Variants in LRRC8C observed in about 807,000 individuals in gnomAD.
LRRC8C encodes volume-regulated anion channel subunit LRRC8C.
LRRC8C carries 20 observed loss-of-function variants against 55.3 expected under a neutral mutation model. The observed-to-expected ratio is 0.36, with a 90% CI of 0.25 to 0.53. The LOEUF (loss-of-function observed/expected upper bound fraction) is 0.53, where lower values mean the gene tolerates loss of function less well. Among genes scored for constraint, LRRC8C ranks in the 20% least tolerant of loss-of-function variants. LRRC8C has a pLI of 0.92. For synonymous variants in LRRC8C, 376 were observed against 360.7 expected (o/e 1.04, Z -0.48); for missense variants, 659 against 951.4 (o/e 0.69, Z 4.04).
the LRRC8C span, among the ~76,000 whole-genome samples, chr1:89,622,017 T>C: frequency 6.6e-6 from 1 of 152,192 alleles, no homozygotes; most frequent in Admixed American, 6.5e-5. Context: ...AAACATCGTA[T>C]ATGTGAAGAT....
At chr1:89,706,417 C>CTGGCAACTGCCTAAT in intron 2 of LRRC8C, 1 of 444,224 alleles carries the variant, frequency 2.3e-6, no homozygotes, top group South Asian at 1.6e-5. Flanking sequence ...TCTGCTTTTT[C>CTGGCAACTGCCTAAT]ACTTCCATAC....
chr1:89,685,803 A>G (rs1319044142), intron 1 of LRRC8C, among the ~76,000 whole-genome samples: 1 of 141,776 alleles, frequency 7.1e-6, no homozygotes, highest in Non-Finnish European at 1.6e-5. Flanking sequence ...TTCACAGTGA[A>G]ATGTGAGAAG....
At chr1:89,642,846 CAA>C (rs34394797) in intron 1 of LRRC8C, among the ~76,000 whole-genome samples, 76,459 of 140,586 alleles carry the variant, frequency 0.54, 20,584 homozygotes, top group East Asian at 0.79. Flanking sequence ...GACTCCATCT[CAA>C]AAAAAAAAAA....
chr1:89,640,991 A>G (rs1206666602), intron 1 of LRRC8C, among the ~76,000 whole-genome samples: 2 of 152,234 alleles, frequency 1.3e-5, no homozygotes, highest in African/African-American at 2.4e-5. Flanking sequence ...AGCAAATGAC[A>G]TAAATATACT....
chr1:89,702,140 G>T (rs1658349300), intron 2 of LRRC8C, among the ~76,000 whole-genome samples: 1 of 151,996 alleles, frequency 6.6e-6, no homozygotes, highest in Admixed American at 6.5e-5. Flanking sequence ...ACTCTGTGAG[G>T]CCTGACATCA....
At chr1:89,705,752 C>G (rs1037975231) in intron 2 of LRRC8C, among the ~76,000 whole-genome samples, 3 of 151,976 alleles carry the variant, frequency 2.0e-5, no homozygotes, top group South Asian at 2.1e-4. Flanking sequence ...TGCACCCCAG[C>G]CTGGCAACAG....
intron 1 of LRRC8C, among the ~76,000 whole-genome samples, chr1:89,649,335 A>G (rs1437827296): frequency 1.3e-5 from 2 of 152,276 alleles, no homozygotes; most frequent in African/African-American, 4.8e-5. Flanking sequence ...AGCACTAGTA[A>G]AGCTCTTTAC....
chr1:89,636,125 G>T (rs1395430629), intron 1 of LRRC8C, among the ~76,000 whole-genome samples: 3 of 152,158 alleles, frequency 2.0e-5, no homozygotes, highest in Non-Finnish European at 2.9e-5. Context: ...TTGAACCCTG[G>T]TTTCCTCTTG....
At chr1:89,706,691 A>G (rs548486057) in intron 2 of LRRC8C, among the ~76,000 whole-genome samples, 10 of 152,212 alleles carry the variant, frequency 6.6e-5, no homozygotes, top group Non-Finnish European at 1.2e-4. Context: ...TTCTCTTCCT[A>G]GATTCGAACA....
chr1:89,693,646 CTTTTTTTTTTTTTTTTTTTTT>C (rs35427989), intron 2 of LRRC8C, among the ~76,000 whole-genome samples: 1 of 82,692 alleles, frequency 1.2e-5, no homozygotes, highest in Admixed American at 1.3e-4. Context: ...TCTTTTCTTC[CTTTTTTTTTTTTTTTTTTTTT>C]TTTTTTTTGA....
intron 1 of LRRC8C, among the ~76,000 whole-genome samples, chr1:89,648,532 G>C (rs973328277): frequency 6.6e-6 from 1 of 151,878 alleles, no homozygotes; most frequent in African/African-American, 2.4e-5. Flanking sequence ...GAACAGACAG[G>C]GTGAACCAAA....
chr1:89,711,224 A>G (rs185371746), intron 2 of LRRC8C, among the ~76,000 whole-genome samples: 29 of 152,322 alleles, frequency 1.9e-4, no homozygotes, highest in African/African-American at 7.0e-4. Context: ...TCTTCCATGT[A>G]CCAGACACTT....
intron 1 of LRRC8C, among the ~76,000 whole-genome samples, chr1:89,641,029 T>G (rs940578557): frequency 6.6e-6 from 1 of 152,226 alleles, no homozygotes; most frequent in Non-Finnish European, 1.5e-5. Flanking sequence ...GTTAAATTTG[T>G]TTCTGTAGTT....
chr1:89,637,708 C>G (rs1656329090), intron 1 of LRRC8C, among the ~76,000 whole-genome samples: 1 of 152,018 alleles, frequency 6.6e-6, no homozygotes, highest in African/African-American at 2.4e-5. Context: ...AGTGTAATCT[C>G]AGAACTTTGT....
At position 89,713,059 on chromosome 1, in the gene LRRC8C, G is replaced by A. The variant is rs372759875; in HGVS notation, c.489G>A (p.Gly163=). The change falls in exon 3 of 3, where the codon GGG becomes GGA. Residue 163 remains glycine (G), a synonymous_variant. Coordinates refer to ENST00000370454, the MANE Select transcript of LRRC8C (RefSeq NM_032270.5). This position sits in a 1 kb window ranked among gnomAD's most constrained non-coding sequence, Gnocchi z 5.2. ...TAGAACATTTCATCTCCATTCTGGGGAAGTGTTTTGACTCTCCTTGGACCA... is the reference window on the plus strand; with the variant it reads ...TAGAACATTTCATCTCCATTCTGGGAAAGTGTTTTGACTCTCCTTGGACCA... The part of the protein sequence containing the change: ...SKIEHFISIL[G]KCFDSPWTTR... 2 of 1,613,430 alleles carry A rather than the reference G, an allele frequency of 1.2e-6. No individual in the cohort carries two copies. The highest frequency in any genetic ancestry group is 1.7e-6 in the Non-Finnish European group (2 of 1,180,044).
intron 2 of LRRC8C, among the ~76,000 whole-genome samples, chr1:89,709,776 G>T (rs1658595171): frequency 6.7e-6 from 1 of 149,572 alleles, no homozygotes; most frequent in Non-Finnish European, 1.5e-5. Flanking sequence ...GTTTGAGACG[G>T]AGTCTCGCTC....
At chr1:89,627,922 T>C in the LRRC8C span, among the ~76,000 whole-genome samples, 3 of 152,354 alleles carry the variant, frequency 2.0e-5, no homozygotes, top group African/African-American at 2.4e-5. Context: ...GAAATTCTCA[T>C]TGGAGCATTT....
chr1:89,634,609 C>T (rs1380636027), intron 1 of LRRC8C, among the ~76,000 whole-genome samples: 1 of 152,170 alleles, frequency 6.6e-6, no homozygotes, highest in African/African-American at 2.4e-5. Context: ...GCTGCAAAAT[C>T]GCCAGAGCCA....
intron 1 of LRRC8C, among the ~76,000 whole-genome samples, chr1:89,667,908 G>C (rs900064813): frequency 2.0e-5 from 3 of 152,080 alleles, no homozygotes; most frequent in Admixed American, 1.3e-4. Flanking sequence ...GGAGAAGCCA[G>C]AAGTGCAAAG....
Sources: allele counts gnomAD v4.1 joint callset (sites outside exome capture counted in the v4.1 genomes callset), GRCh38; gene constraint gnomAD v4.1.1; non-coding constraint Gnocchi (gnomAD v3.1); transcripts MANE v1.5; gene names NCBI Gene and HGNC (gene_info 2026-07-23, HGNC 2026-07-21).